Variants in RANBP2 observed in about 807,000 individuals in gnomAD.
RANBP2 encodes RAN binding protein 2, also known as E3 SUMO-protein ligase RanBP2.
RANBP2 carries 57 observed loss-of-function variants against 303.6 expected under a neutral mutation model. The ratio of observed to expected loss-of-function variants is 0.19; its 90% CI spans 0.15 to 0.23. The LOEUF is 0.23. RANBP2 is among the 10% of genes least tolerant of loss of function. The probability of loss-of-function intolerance (pLI) is 1.00; values close to 1 mark genes in which losing one functional copy is unlikely to be tolerated. For missense variants in RANBP2, 3,138 were observed against 3,780.8 expected (o/e 0.83, Z 4.46); for synonymous variants, 1,167 against 1,301.5 (o/e 0.90, Z 2.23).
At chr2:109,691,463 G>A in the RANBP2 span, among the ~76,000 whole-genome samples, 2 of 152,170 alleles carry the variant, frequency 1.3e-5, no homozygotes, top group African/African-American at 2.4e-5. Flanking sequence ...TCTGTTCTGA[G>A]CTGGATCCAA....
chr2:108,947,201 T>C, the RANBP2 span, among the ~76,000 whole-genome samples: 5 of 152,216 alleles, frequency 3.3e-5, no homozygotes, highest in Admixed American at 2.0e-4. Context: ...CTTGACTCCA[T>C]GTCTCACATC....
At chr2:109,086,274 G>A in the RANBP2 span, among the ~76,000 whole-genome samples, 5 of 152,154 alleles carry the variant, frequency 3.3e-5, no homozygotes, top group African/African-American at 1.2e-4. Context: ...GTTGTTGGGG[G>A]AGGGGGGCGG....
the RANBP2 span, among the ~76,000 whole-genome samples, chr2:109,483,608 T>C: frequency 7.2e-5 from 11 of 152,240 alleles, no homozygotes; most frequent in African/African-American, 2.7e-4. Context: ...AATACTGTTA[T>C]TCAACAGATT....
the RANBP2 span, among the ~76,000 whole-genome samples, chr2:109,719,799 C>G: frequency 1.3e-5 from 2 of 152,168 alleles, no homozygotes; most frequent in African/African-American, 4.8e-5. Flanking sequence ...GCTTAGAAGG[C>G]CTTTTCATAA....
chr2:109,510,862 G>T, the RANBP2 span, among the ~76,000 whole-genome samples: 1 of 152,210 alleles, frequency 6.6e-6, no homozygotes, highest in South Asian at 2.1e-4. Context: ...AGGTGGGACG[G>T]GTGGCCGGAG....
chr2:109,241,250 A>G, the RANBP2 span, among the ~76,000 whole-genome samples: 24 of 89,520 alleles, frequency 2.7e-4, 1 homozygote. Flanking sequence ...ATTCCAGCCT[A>G]AGAATATAAC....
At chr2:109,589,287 C>A in the RANBP2 span, among the ~76,000 whole-genome samples, 7 of 152,092 alleles carry the variant, frequency 4.6e-5, no homozygotes, top group African/African-American at 1.7e-4. Context: ...AATCTCAGCA[C>A]TTTAGGAGGC....
At chr2:109,387,577 C>T in the RANBP2 span, among the ~76,000 whole-genome samples, 71 of 152,352 alleles carry the variant, frequency 4.7e-4, no homozygotes, top group Middle Eastern at 3.4e-3. Context: ...CCCACATCTC[C>T]TCAAGGTCTT....
the RANBP2 span, among the ~76,000 whole-genome samples, chr2:108,948,600 G>A: frequency 6.6e-5 from 10 of 152,278 alleles, no homozygotes; most frequent in Admixed American, 2.0e-4. Context: ...AGCAAGGCAC[G>A]TCTCACATGG....
chr2:109,191,628 G>A, the RANBP2 span, among the ~76,000 whole-genome samples: 5 of 152,282 alleles, frequency 3.3e-5, no homozygotes, highest in African/African-American at 1.2e-4. Context: ...TGGAATTGCA[G>A]CAAGAGCAGT....
chr2:108,855,160 T>C, the RANBP2 span, among the ~76,000 whole-genome samples: 1 of 152,156 alleles, frequency 6.6e-6, no homozygotes, highest in African/African-American at 2.4e-5. Flanking sequence ...AAATCTGAAA[T>C]ATTCAATAAA....
At chr2:108,870,228 C>T in the RANBP2 span, among the ~76,000 whole-genome samples, 1 of 152,066 alleles carries the variant, frequency 6.6e-6, no homozygotes, top group African/African-American at 2.4e-5. Flanking sequence ...GAAAAATTTA[C>T]TAGAAGAGTT....
At chr2:109,089,254 A>AT in the RANBP2 span, among the ~76,000 whole-genome samples, 1 of 152,212 alleles carries the variant, frequency 6.6e-6, no homozygotes, top group Non-Finnish European at 1.5e-5. Flanking sequence ...ACCAACTGGG[A>AT]TTTTTTTCTG....
chr2:109,319,127 A>G, the RANBP2 span, among the ~76,000 whole-genome samples: 1 of 152,130 alleles, frequency 6.6e-6, no homozygotes, highest in South Asian at 2.1e-4. Context: ...AGGCACTCCC[A>G]TCTCTGCCTA....
At chr2:108,794,559 G>T in the RANBP2 span, 22 of 1,609,546 alleles carry the variant, frequency 1.4e-5, no homozygotes, top group Non-Finnish European at 1.9e-5. Flanking sequence ...CAACTAATAC[G>T]ACCTCATCGA....
chr2:108,990,137 A>G, the RANBP2 span, among the ~76,000 whole-genome samples: 1 of 152,178 alleles, frequency 6.6e-6, no homozygotes, highest in Non-Finnish European at 1.5e-5. Flanking sequence ...CCCTACTAAA[A>G]ATACAAAAAT....
At chr2:108,933,622 C>A in the RANBP2 span, among the ~76,000 whole-genome samples, 3 of 152,218 alleles carry the variant, frequency 2.0e-5, no homozygotes, top group Non-Finnish European at 4.4e-5. Context: ...TTTTCCCACA[C>A]ACTGCCTGCA....
chr2:109,210,813 C>A, the RANBP2 span, among the ~76,000 whole-genome samples: 1 of 152,198 alleles, frequency 6.6e-6, no homozygotes. Context: ...GCATGAGTCA[C>A]TACAAAATGT....
At chr2:109,352,800 G>C in the RANBP2 span, among the ~76,000 whole-genome samples, 1 of 152,208 alleles carries the variant, frequency 6.6e-6, no homozygotes, top group African/African-American at 2.4e-5. Flanking sequence ...CGGGGCAGAG[G>C]GGAGCAGAGC....
Sources: allele counts gnomAD v4.1 joint callset (sites outside exome capture counted in the v4.1 genomes callset), GRCh38; gene constraint gnomAD v4.1.1; transcripts MANE v1.5; gene names NCBI Gene and HGNC (gene_info 2026-07-23, HGNC 2026-07-21).